Variants in SLC22A25 observed in about 807,000 individuals in gnomAD.
The protein encoded by SLC22A25 is solute carrier family 22 member 25, also known as MGI:2442751, MGI:2385316, MGI:3042283, MGI:3645714, MGI:3605624, MGI:2442750.
In SLC22A25, 44 loss-of-function variants were observed where a neutral mutation model predicts 45.9. The observed-to-expected ratio is 0.96, with a 90% CI of 0.75 to 1.23. The LOEUF is 1.23. SLC22A25 is among the 50% of genes most tolerant of loss of function. The probability of loss-of-function intolerance (pLI) is 0.00; values close to 1 mark genes in which losing one functional copy is unlikely to be tolerated. For missense variants in SLC22A25, 800 were observed against 666.4 expected, an observed-to-expected ratio of 1.20 and a Z score of -2.21; for synonymous variants, 283 against 238.6, an observed-to-expected ratio of 1.19 and a Z score of -1.72.
intron 4 of SLC22A25, 82 bp downstream of exon 4, chr11:63,229,168 TA>T (rs2090020526): frequency 7.1e-7 from 1 of 1,404,846 alleles, no homozygotes; most frequent in Non-Finnish European, 9.5e-7. Flanking sequence ...TACATGTGAC[TA>T]AAGGCTGGAA....
intron 9 of SLC22A25, among the ~76,000 whole-genome samples, chr11:63,173,919 C>G (rs1250833985): frequency 7.1e-6 from 1 of 141,546 alleles, no homozygotes; most frequent in East Asian, 2.1e-4. Context: ...TTTTTTATTA[C>G]ATTTTAAGTT....
chr11:63,241,115 A>G (rs1426647140), intron 1 of SLC22A25, among the ~76,000 whole-genome samples: 1 of 152,236 alleles, frequency 6.6e-6, no homozygotes, highest in Non-Finnish European at 1.5e-5. Context: ...ATTCTGAGGC[A>G]GAAATGTGTG....
intron 7 of SLC22A25, among the ~76,000 whole-genome samples, chr11:63,210,058 A>T (rs1291124525): frequency 6.6e-6 from 1 of 152,246 alleles, no homozygotes; most frequent in Non-Finnish European, 1.5e-5. Context: ...CAAAAGCCTG[A>T]CAAAAGCCAA....
chr11:63,173,223 G>T (rs532895848), intron 9 of SLC22A25, among the ~76,000 whole-genome samples: 2 of 151,232 alleles, frequency 1.3e-5, no homozygotes, highest in Admixed American at 1.3e-4. Context: ...TGTTGGGGGT[G>T]GGGGGCAAGG....
chr11:63,196,238 C>T (rs2089024294), intron 7 of SLC22A25, among the ~76,000 whole-genome samples: 2 of 152,174 alleles, frequency 1.3e-5, no homozygotes. Flanking sequence ...AGGGAGTCCT[C>T]CATAACTCAT....
In SLC22A25 at chr11:63,197,197, T is replaced by C. The variant is rs141083174; in HGVS notation, c.831-13380A>G. 2.2e-3 allele frequency among the ~76,000 whole-genome samples: 335 copies of C among 152,230 alleles called. 1 individual carries two copies. Among genetic ancestry groups the C allele is most frequent in the African/African-American group, 7.2e-3 (301 of 41,542 alleles). ...CATACTGCCCAAGGTAATTTATAGA[T>C]TCAATACCATCCCCATCAAGCTACC... On this transcript the variant is annotated intron_variant, in intron 7 of 11. Coordinates refer to ENST00000306494, the MANE Select transcript of SLC22A25 (RefSeq NM_199352.6).
At position 63,228,493 on chromosome 11, in the gene SLC22A25, C is replaced by A; in HGVS notation, c.474G>T (p.Val158=). 1 of 1,613,868 alleles carries A rather than the reference C, an allele frequency of 6.2e-7. No homozygotes were observed. The highest frequency in any genetic ancestry group is 2.2e-5 in the East Asian group (1 of 44,870). ...AKFLFMAGMM[V]GGNLYGHLSD... ...ACAAATGGCCATATAGGTTGCCTCCCACCATCATTCCAGCCATGAATAGAA... is the reference window on the plus strand; with the variant it reads ...ACAAATGGCCATATAGGTTGCCTCCAACCATCATTCCAGCCATGAATAGAA... Residue 158 remains valine, a synonymous_variant, in exon 5 of 12, where the codon GTG becomes GTT. Transcript: ENST00000306494.
Position 63,218,946 on chromosome 11 carries a change from T to G in SLC22A25, c.507-1211A>C, listed in dbSNP as rs113425081. ...ATAATTGTTCTACCAAAAACACACATGCACTCACATGTTCTTGCAGATGGC... is the reference window on the plus strand; with the variant it reads ...ATAATTGTTCTACCAAAAACACACAGGCACTCACATGTTCTTGCAGATGGC... On this transcript the variant is annotated intron_variant, in intron 5 of 11. Coordinates refer to ENST00000306494, the MANE Select transcript of SLC22A25 (RefSeq NM_199352.6). Among the ~76,000 whole-genome samples, 1,348 of 152,328 alleles carry G rather than the reference T, an allele frequency of 8.8e-3. 9 individuals carry two copies. Among genetic ancestry groups the G allele is most frequent in the African/African-American group, 0.019 (777 of 41,578 alleles).
intron 10 of SLC22A25, among the ~76,000 whole-genome samples, chr11:63,165,752 A>C (rs1490925034): frequency 1.3e-5 from 2 of 152,236 alleles, no homozygotes; most frequent in African/African-American, 4.8e-5. Context: ...CCAAAGGGCA[A>C]GTGATCAATT....
At chr11:63,176,822 T>G (rs1186572926) in intron 9 of SLC22A25, among the ~76,000 whole-genome samples, 1 of 152,066 alleles carries the variant, frequency 6.6e-6, no homozygotes, top group African/African-American at 2.4e-5. Flanking sequence ...AGCTCTGGAC[T>G]TCTCATAGTT....
At chr11:63,189,751 A>C (rs2088721858) in intron 7 of SLC22A25, among the ~76,000 whole-genome samples, 2 of 152,058 alleles carry the variant, frequency 1.3e-5, no homozygotes, top group African/African-American at 2.4e-5. Context: ...TGGTGACAAA[A>C]TCTCTCAGCA....
intron 5 of SLC22A25, among the ~76,000 whole-genome samples, chr11:63,225,920 G>T (rs773928974): frequency 6.6e-6 from 1 of 151,918 alleles, no homozygotes; most frequent in Non-Finnish European, 1.5e-5. Flanking sequence ...GTTGTTAAGA[G>T]ATTCTGATGC....
chr11:63,166,012 T>C (rs1017649196), intron 10 of SLC22A25, 32 bp downstream of exon 10: 2 of 1,607,410 alleles, frequency 1.2e-6, no homozygotes, highest in Non-Finnish European at 1.7e-6. Flanking sequence ...GGGAAAGACA[T>C]TTTCTTTCTT....
chr11:63,171,974 G>A (rs973722245), intron 9 of SLC22A25, among the ~76,000 whole-genome samples: 40 of 148,604 alleles, frequency 2.7e-4, no homozygotes, highest in African/African-American at 5.6e-4. Flanking sequence ...CCAATGGAGC[G>A]AACAGAAATA....
rs1294393746 is a variant in SLC22A25 at position 63,164,025 on chromosome 11, G to C, written c.1443C>G (p.Ala481=). Residue 481 remains alanine (A), a synonymous_variant, in exon 12 of 12, where the codon GCC becomes GCG. Coordinates refer to ENST00000306494, the MANE Select transcript of SLC22A25 (RefSeq NM_199352.6). ...TTAGGATCATCATGAGGGAAGCCAG[G>C]GCTCCCCCAATATTAGCAAAGTTTC... ...ITGNFANIGG[A]LASLMMILSI... 8 of 1,612,188 alleles carry C rather than the reference G, an allele frequency of 5.0e-6. No individual in the cohort carries two copies. Among genetic ancestry groups the C allele is most frequent in the Non-Finnish European group, 6.8e-6 (8 of 1,179,138 alleles).
chr11:63,216,291 G>C (rs746236411), intron 7 of SLC22A25, among the ~76,000 whole-genome samples: 1 of 152,068 alleles, frequency 6.6e-6, no homozygotes, highest in Non-Finnish European at 1.5e-5. Flanking sequence ...AAATTCATTC[G>C]ACCATTGTGG....
Position 63,163,330 on chromosome 11 carries a change from T to C in SLC22A25, c.*494A>G, listed in dbSNP as rs565788252. On this transcript the variant is annotated 3_prime_UTR_variant, in exon 12 of 12. Coordinates refer to ENST00000306494, the MANE Select transcript of SLC22A25 (RefSeq NM_199352.6). The stretch of plus-strand genomic sequence containing the variant: ...TCTTTTCCCCTTTTCCAACGCTTTT[T>C]TTCCCCCGTGAAAATTAGATAGACT... 6.6e-6 allele frequency among the ~76,000 whole-genome samples: 1 copy of C among 152,334 alleles called. No homozygotes were observed. Among genetic ancestry groups the C allele is most frequent in the African/African-American group, 2.4e-5 (1 of 41,598 alleles).
intron 7 of SLC22A25, among the ~76,000 whole-genome samples, chr11:63,203,422 T>C (rs2089306825): frequency 6.6e-6 from 1 of 151,758 alleles, no homozygotes; most frequent in South Asian, 2.1e-4. Context: ...AAAGGATAGA[T>C]GAATGGCTAA....
chr11:63,225,865 C>G (rs561946019), intron 5 of SLC22A25, among the ~76,000 whole-genome samples: 2 of 152,012 alleles, frequency 1.3e-5, no homozygotes, highest in African/African-American at 4.8e-5. Flanking sequence ...TTTTAAATAG[C>G]CTGTTTTCAA....
Sources: gnomAD v4.1 joint callset for allele counts (sites outside exome capture counted in the v4.1 genomes callset) on GRCh38, gnomAD v4.1.1 for gene constraint, MANE v1.5 for transcripts, NCBI Gene and HGNC (gene_info 2026-07-23, HGNC 2026-07-21) for gene names.